Variants in GALK2 observed in about 807,000 individuals in gnomAD.
GALK2 encodes galactokinase 2, also known as N-acetylgalactosamine kinase.
GALK2 carries 36 observed loss-of-function variants against 52.4 expected under a neutral mutation model. The ratio of observed to expected loss-of-function variants is 0.69; its 90% CI spans 0.53 to 0.91. The LOEUF (loss-of-function observed/expected upper bound fraction) is 0.91, where lower values mean the gene tolerates loss of function less well. Among genes scored for constraint, GALK2 ranks in the 40% least tolerant of loss-of-function variants. The pLI is 0.00. For synonymous variants in GALK2, 176 were observed against 199.1 expected, an observed-to-expected ratio of 0.88 and a Z score of 0.98; for missense variants, 579 against 559.1, an observed-to-expected ratio of 1.04 and a Z score of -0.36.
At chr15:49,299,890 G>A (rs1324152122) in intron 8 of GALK2, among the ~76,000 whole-genome samples, 1 of 151,352 alleles carries the variant, frequency 6.6e-6, no homozygotes, top group East Asian at 1.9e-4. Context: ...TATAATACGT[G>A]CCATGTGCAG....
intron 9 of GALK2, among the ~76,000 whole-genome samples, chr15:49,326,467 G>A (rs769918401): frequency 1.3e-5 from 2 of 151,966 alleles, no homozygotes; most frequent in African/African-American, 4.8e-5. Flanking sequence ...GGTCAGGCTG[G>A]TCTCAAACTC....
At chr15:49,230,714 C>G (rs1466019752) in intron 3 of GALK2, among the ~76,000 whole-genome samples, 1 of 152,178 alleles carries the variant, frequency 6.6e-6, no homozygotes, top group Non-Finnish European at 1.5e-5. Context: ...CAGACACACA[C>G]AGGGTAGACA....
At chr15:49,295,333 CTA>C (rs35056008) in intron 8 of GALK2, among the ~76,000 whole-genome samples, 110 of 147,072 alleles carry the variant, frequency 7.5e-4, no homozygotes, top group African/African-American at 2.4e-3. Context: ...CTCTCTCTAT[CTA>C]TATATATATA....
chr15:49,190,771 C>T (rs112419854), intron 1 of GALK2, among the ~76,000 whole-genome samples: 22 of 152,288 alleles, frequency 1.4e-4, no homozygotes, highest in African/African-American at 5.3e-4. Context: ...AGTGTTCAAA[C>T]TGTGTTCGAA....
At chr15:49,191,618 G>A (rs571350908) in intron 1 of GALK2, among the ~76,000 whole-genome samples, 1 of 152,152 alleles carries the variant, frequency 6.6e-6, no homozygotes, top group East Asian at 1.9e-4. Context: ...AAAGGCACAT[G>A]ATGTATATGT....
chr15:49,226,665 G>C (rs1266426677), intron 3 of GALK2: 3 of 151,804 alleles, frequency 2.0e-5, no homozygotes, highest in Non-Finnish European at 4.4e-5. Flanking sequence ...TCCCTGAGAT[G>C]CATAATTAGG....
At chr15:49,316,467 G>T (rs1161735944) in intron 8 of GALK2, among the ~76,000 whole-genome samples, 1 of 151,040 alleles carries the variant, frequency 6.6e-6, no homozygotes, top group African/African-American at 2.5e-5. Context: ...GCCTGTAGTG[G>T]GGTGGGGGTA....
chr15:49,246,121 A>C (rs2091338480), intron 5 of GALK2, among the ~76,000 whole-genome samples: 1 of 152,206 alleles, frequency 6.6e-6, no homozygotes, highest in Non-Finnish European at 1.5e-5. Context: ...CGCCAAGAAA[A>C]TGTTAGTTGC....
At chr15:49,205,871 G>C (rs571616154) in intron 2 of GALK2, among the ~76,000 whole-genome samples, 27 of 152,176 alleles carry the variant, frequency 1.8e-4, no homozygotes, top group African/African-American at 6.5e-4. Context: ...TCATATCTTA[G>C]GTTTAAGTCC....
intron 2 of GALK2, 22 bp downstream of exon 2, chr15:49,201,272 T>A: frequency 1.4e-6 from 2 of 1,382,838 alleles, no homozygotes; most frequent in Non-Finnish European, 2.0e-6. Flanking sequence ...GTTCCTTCTC[T>A]TAATTTTTTT....
At position 49,328,991 on chromosome 15, in the gene GALK2, T is replaced by A; in HGVS notation, c.*832T>A. The A allele has an allele frequency of 9.6e-7, 1 of 1,038,184 alleles. No homozygotes were observed. Among genetic ancestry groups the A allele is most frequent in the Non-Finnish European group, 1.2e-6 (1 of 860,874 alleles). 64.3% of individuals were successfully genotyped at this position (1,038,184 alleles called of 1,614,324 possible). The stretch of plus-strand genomic sequence containing the variant: ...CTAGATGATAATTCAGATAATTCAG[T>A]TTGTTCATAGAATTACTTTCTTATC... On this transcript the variant is annotated 3_prime_UTR_variant, in exon 10 of 10. Transcript: ENST00000560031.
intron 3 of GALK2, among the ~76,000 whole-genome samples, chr15:49,230,635 T>C (rs1412977055): frequency 6.6e-6 from 1 of 152,214 alleles, no homozygotes; most frequent in Non-Finnish European, 1.5e-5. Context: ...ATGCTACTCT[T>C]ATTATAAATG....
At chr15:49,356,784 T>G (rs2043238703) in intron 3 of GALK2, among the ~76,000 whole-genome samples, 2 of 60,876 alleles carry the variant, frequency 3.3e-5, no homozygotes, top group African/African-American at 1.5e-4. Context: ...AATATACATT[T>G]TTTTCAGCAC....
chr15:49,292,224 A>G (rs2034006816), intron 7 of GALK2, 103 bp from the exon 8 acceptor site: 1 of 1,057,268 alleles, frequency 9.5e-7, no homozygotes, highest in Admixed American at 2.5e-5. Flanking sequence ...AAAGGAAAAC[A>G]ACAACAAAAC....
chr15:49,158,395 T>A (rs192603677), intron 1 of GALK2, among the ~76,000 whole-genome samples: 4 of 152,226 alleles, frequency 2.6e-5, no homozygotes, highest in Non-Finnish European at 5.9e-5. Context: ...TATTTTTAGT[T>A]CAGTACAATA....
At chr15:49,184,087 G>A (rs531618613) in intron 1 of GALK2, among the ~76,000 whole-genome samples, 170 of 152,172 alleles carry the variant, frequency 1.1e-3, no homozygotes, top group African/African-American at 3.9e-3. Flanking sequence ...AGCTATTATT[G>A]TTTTGGGGCC....
chr15:49,332,765 G>C (rs1265233127), downstream of GALK2, among the ~76,000 whole-genome samples: 3 of 152,212 alleles, frequency 2.0e-5, no homozygotes, highest in African/African-American at 7.2e-5. Flanking sequence ...GAAGCAGCAA[G>C]TTTAGATGAG....
intron 1 of GALK2, among the ~76,000 whole-genome samples, chr15:49,183,533 A>AT (rs939625976): frequency 6.6e-6 from 1 of 152,256 alleles, no homozygotes; most frequent in Admixed American, 6.5e-5. Flanking sequence ...ATATGATTTC[A>AT]TTTTTTTGAA....
intron 1 of GALK2, among the ~76,000 whole-genome samples, chr15:49,171,525 A>T (rs2085094850): frequency 6.6e-6 from 1 of 152,068 alleles, no homozygotes; most frequent in Non-Finnish European, 1.5e-5. Flanking sequence ...ATGTTCTTTC[A>T]TCCTTAAACC....
Sources: allele counts gnomAD v4.1 joint callset (sites outside exome capture counted in the v4.1 genomes callset), GRCh38; gene constraint gnomAD v4.1.1; transcripts MANE v1.5; gene names NCBI Gene and HGNC (gene_info 2026-07-23, HGNC 2026-07-21).